Variants in NUBP2 observed in about 807,000 individuals in gnomAD.
NUBP2 encodes NUBP iron-sulfur cluster assembly factor 2, cytosolic, also known as cytosolic Fe-S cluster assembly factor NUBP2.
Under a neutral mutation model 24.9 loss-of-function variants are expected in NUBP2, and 23 were observed. The observed-to-expected ratio is 0.92, with a 90% confidence interval of 0.66 to 1.31. The LOEUF is 1.31. NUBP2 is among the 50% of genes most tolerant of loss of function. The probability of loss-of-function intolerance (pLI) is 0.00; values close to 1 mark genes in which losing one functional copy is unlikely to be tolerated. For synonymous variants in NUBP2, 186 were observed against 170.9 expected, an observed-to-expected ratio of 1.09 and a Z score of -0.69; for missense variants, 403 against 386.5, an observed-to-expected ratio of 1.04 and a Z score of -0.36.
intron 1 of NUBP2, chr16:1,785,188 C>T (rs1035985308): frequency 7.0e-6 from 7 of 999,908 alleles, no homozygotes; most frequent in South Asian, 8.6e-5. Context: ...GATGGTGCTT[C>T]GCCTCCTTCC....
rs1896809127 is a variant in NUBP2, at chr16:1,783,305, C to T, written c.16+269C>T. ...TTTTAAAGTTAACTTTGTTGAGCACCGCGTTGTAGGCGGGCGCGGTGGCGC... is the reference window on the plus strand; with the variant it reads ...TTTTAAAGTTAACTTTGTTGAGCACTGCGTTGTAGGCGGGCGCGGTGGCGC... On this transcript the variant is annotated intron_variant, in intron 1 of 6. Coordinates refer to ENST00000262302, the MANE Select transcript of NUBP2 (RefSeq NM_012225.4). 5 of 1,131,536 alleles carry T rather than the reference C, an allele frequency of 4.4e-6. No homozygotes were observed. In the East Asian group the frequency reaches 2.3e-4, roughly 52 times the overall value. The allele number at this position is 1,131,536 out of a possible 1,614,324, so 70.1% of individuals were successfully genotyped here.
In NUBP2 at chr16:1,788,832, AG is replaced by A. The variant is rs1897125625; in HGVS notation, c.*119del. The A allele has an allele frequency of 7.6e-7, 1 of 1,314,720 alleles. No individual in the cohort carries two copies. Among genetic ancestry groups the A allele is most frequent in the East Asian group, 2.6e-5 (1 of 38,896 alleles). 81.4% of individuals were successfully genotyped at this position (1,314,720 alleles called of 1,614,324 possible). On this transcript the variant is annotated 3_prime_UTR_variant, in exon 7 of 7. Transcript: ENST00000262302. ...TGCAGGGGCAGGCCCAGGCAGCGTC[AG>A]CCGGAGAGCTTCTCCCCGACCAGCC...
At chr16:1,787,906 C>T (rs1041429243) in intron 4 of NUBP2, 35 bp from the exon 5 acceptor site, 37 of 1,600,668 alleles carry the variant, frequency 2.3e-5, no homozygotes, top group Non-Finnish European at 3.0e-5. Context: ...TGCTGGTGCG[C>T]CTGGCTGACC....
rs981376788 is a variant in NUBP2 at position 1,783,050 on chromosome 16, C to T, written c.16+14C>T. 3.0e-6 allele frequency: 4 copies of T among 1,346,070 alleles called. No homozygotes were observed. Among genetic ancestry groups the T allele is most frequent in the Non-Finnish European group, 3.8e-6 (4 of 1,044,600 alleles). 83.4% of individuals were successfully genotyped at this position (1,346,070 alleles called of 1,614,324 possible). A position where few individuals can be genotyped will look rare whatever the true frequency, so the allele number is the denominator to read the frequency against. On this transcript the variant is annotated intron_variant, in intron 1 of 6. Coordinates refer to ENST00000262302, the MANE Select transcript of NUBP2 (RefSeq NM_012225.4). ...AGGCGGCGGCCGGTGAGTGGCGGGC[C>T]AGGGTGCGGAGCCGCTCCAGGGCCT...
chr16:1,787,755 C>A lies in NUBP2; in HGVS notation c.413C>A (p.Ser138Tyr). ...GTGGTGGACACGCCCCCGGGGACCT[C>A]CGATGAGCACATGGCCACCATAGAA... Reference protein sequence around the residue: ...YLVVDTPPGTSDEHMATIEAL... With the variant: ...YLVVDTPPGTYDEHMATIEAL... Residue 138 changes from serine to tyrosine, a missense_variant, in exon 4 of 7, where the codon TCC becomes TAC. Coordinates refer to ENST00000262302, the MANE Select transcript of NUBP2 (RefSeq NM_012225.4). 1 of 1,612,622 alleles carries A rather than the reference C, an allele frequency of 6.2e-7. No homozygotes were observed.
At chr16:1,783,273 G>A (rs1231985781) in intron 1 of NUBP2, 1 of 1,154,316 alleles carries the variant, frequency 8.7e-7, no homozygotes. Flanking sequence ...CGTGGAGTTG[G>A]GGGAGCTTTT....
chr16:1,788,277 C>A (rs1897085657), intron 6 of NUBP2, 70 bp downstream of exon 6: 2 of 1,371,452 alleles, frequency 1.5e-6, no homozygotes, highest in African/African-American at 2.9e-5. Context: ...GGTTTGACCT[C>A]CATGCCCCCA....
intron 1 of NUBP2, chr16:1,785,848 G>C: frequency 4.7e-6 from 6 of 1,289,118 alleles, no homozygotes; most frequent in Non-Finnish European, 5.1e-6. Context: ...AGGACCTGTC[G>C]GGGATGGAGC....
rs368138504 is a variant in NUBP2, at chr16:1,787,666, C to T, written c.335-11C>T. 2.8e-5 allele frequency: 45 copies of T among 1,611,268 alleles called. No homozygotes were observed. Among genetic ancestry groups the T allele is most frequent in the African/African-American group, 2.7e-4 (20 of 74,904 alleles). ...CCTGCCCTGACCGCCCCGTCTGCCC[C>T]GTCTTTGCAGCGCTGATAAAGCAGT... On this transcript the variant is annotated splice_polypyrimidine_tract_variant and intron_variant, in intron 3 of 6. Coordinates refer to ENST00000262302, the MANE Select transcript of NUBP2 (RefSeq NM_012225.4).
chr16:1,783,485 C>A, intron 1 of NUBP2: 1 of 991,008 alleles, frequency 1.0e-6, no homozygotes, highest in Non-Finnish European at 1.2e-6. Flanking sequence ...GTGGAAGTGG[C>A]GCTCTCAGTG....
Sources: gnomAD v4.1 joint callset for allele counts on GRCh38, gnomAD v4.1.1 for gene constraint, MANE v1.5 for transcripts, NCBI Gene and HGNC (gene_info 2026-07-23, HGNC 2026-07-21) for gene names.